The following MAPRE2 variants were observed in gnomAD, a reference collection of about 807,000 sequenced individuals.
MAPRE2 encodes microtubule associated protein RP/EB family member 2.
Under a neutral mutation model 43.2 loss-of-function variants are expected in MAPRE2, and 13 were observed. The ratio of observed to expected loss-of-function variants is 0.30; its 90% CI spans 0.20 to 0.48. MAPRE2 has a LOEUF of 0.48. MAPRE2 is among the 20% of genes least tolerant of loss of function. MAPRE2 has a pLI of 0.99. For missense variants in MAPRE2, 161 were observed against 400.2 expected, an observed-to-expected ratio of 0.40 and a Z score of 5.10; for synonymous variants, 135 against 148.8, an observed-to-expected ratio of 0.91 and a Z score of 0.68.
intron 2 of MAPRE2, among the ~76,000 whole-genome samples, chr18:35,012,009 C>T (rs2097035034): frequency 6.6e-6 from 1 of 152,242 alleles, no homozygotes; most frequent in Non-Finnish European, 1.5e-5. Context: ...GAGAAGTAGT[C>T]ACCTAAAGAT....
At chr18:35,115,041 T>C (rs765390415) in intron 4 of MAPRE2, among the ~76,000 whole-genome samples, 6 of 152,206 alleles carry the variant, frequency 3.9e-5, no homozygotes, top group Non-Finnish European at 8.8e-5. Flanking sequence ...CTTAGTATAT[T>C]GGGCAGGAAT....
At chr18:35,085,268 A>G (rs926458106) in intron 2 of MAPRE2, among the ~76,000 whole-genome samples, 1 of 152,226 alleles carries the variant, frequency 6.6e-6, no homozygotes, top group African/African-American at 2.4e-5. Flanking sequence ...CCAAAGGGGA[A>G]TGCTTCCTTC....
chr18:35,124,779 G>A (rs1194251186), intron 4 of MAPRE2, among the ~76,000 whole-genome samples: 2 of 152,192 alleles, frequency 1.3e-5, no homozygotes, highest in Non-Finnish European at 2.9e-5. Flanking sequence ...GGCTGCCTCA[G>A]AGAAGATTCT....
intron 2 of MAPRE2, among the ~76,000 whole-genome samples, chr18:35,016,295 AT>A (rs2097038219): frequency 6.6e-6 from 1 of 151,668 alleles, no homozygotes; most frequent in Admixed American, 6.6e-5. Flanking sequence ...AGAATGATTT[AT>A]TTTCCTTTGA....
chr18:35,031,231 A>G (rs2097047698), intron 2 of MAPRE2, among the ~76,000 whole-genome samples: 1 of 152,202 alleles, frequency 6.6e-6, no homozygotes, highest in African/African-American at 2.4e-5. Context: ...TGCATCTCTG[A>G]TGTCTAGAAT....
At chr18:35,015,844 T>C (rs1393941299) in intron 2 of MAPRE2, among the ~76,000 whole-genome samples, 1 of 152,146 alleles carries the variant, frequency 6.6e-6, no homozygotes, top group East Asian at 1.9e-4. Flanking sequence ...GGGGTACACA[T>C]GCAGTTTTAT....
chr18:35,085,519 A>T (rs917593625), intron 2 of MAPRE2, among the ~76,000 whole-genome samples: 1 of 152,246 alleles, frequency 6.6e-6, no homozygotes, highest in African/African-American at 2.4e-5. Context: ...GGGTCACCAG[A>T]ACTGAATCTG....
At chr18:35,032,264 G>T (rs1469601806) in intron 2 of MAPRE2, among the ~76,000 whole-genome samples, 1 of 152,136 alleles carries the variant, frequency 6.6e-6, no homozygotes, top group African/African-American at 2.4e-5. Context: ...AGGAAGCCCC[G>T]ATCTAAGGTG....
intron 2 of MAPRE2, among the ~76,000 whole-genome samples, chr18:35,016,103 T>A (rs528199318): frequency 6.6e-6 from 1 of 152,106 alleles, no homozygotes; most frequent in African/African-American, 2.4e-5. Context: ...TCCAGCTGCA[T>A]CCATGTTGCT....
At chr18:35,072,371 C>G (rs767719169) in intron 2 of MAPRE2, among the ~76,000 whole-genome samples, 7 of 152,036 alleles carry the variant, frequency 4.6e-5, no homozygotes, top group Non-Finnish European at 8.8e-5. Context: ...GTGTATCTTA[C>G]CCACAAAGTG....
intron 2 of MAPRE2, among the ~76,000 whole-genome samples, chr18:35,019,035 T>A (rs1275323000): frequency 1.6e-5 from 2 of 128,858 alleles, no homozygotes; most frequent in Non-Finnish European, 3.4e-5. Flanking sequence ...TTCATTTATT[T>A]CAAAGAATTT....
At chr18:35,131,765 A>G (rs111503999) in intron 5 of MAPRE2, among the ~76,000 whole-genome samples, 130 of 151,530 alleles carry the variant, frequency 8.6e-4, no homozygotes, top group African/African-American at 3.0e-3. Context: ...CCTGCGGGGA[A>G]CCGCACAAGC....
chr18:35,132,214 C>A, intron 6 of MAPRE2, 24 bp downstream of exon 6: 1 of 1,610,820 alleles, frequency 6.2e-7, no homozygotes, highest in Non-Finnish European at 8.5e-7. Context: ...GCATGTGACT[C>A]CTGTGTTCTA....
chr18:35,074,613 T>G (rs896065275), intron 2 of MAPRE2, among the ~76,000 whole-genome samples: 1 of 152,188 alleles, frequency 6.6e-6, no homozygotes, highest in Non-Finnish European at 1.5e-5. Flanking sequence ...GTCTTGATCC[T>G]CTGCCCTAGG....
intron 2 of MAPRE2, among the ~76,000 whole-genome samples, chr18:35,020,839 A>G (rs2097041523): frequency 6.6e-6 from 1 of 152,232 alleles, no homozygotes; most frequent in South Asian, 2.1e-4. Context: ...AGGTAAAATG[A>G]TTTTAGATTA....
At chr18:35,074,119 T>G (rs901948905) in intron 2 of MAPRE2, among the ~76,000 whole-genome samples, 2 of 152,230 alleles carry the variant, frequency 1.3e-5, no homozygotes, top group African/African-American at 4.8e-5. Context: ...CTACCTATAA[T>G]AATTCAGCAA....
intron 1 of MAPRE2, 49 bp downstream of exon 1, chr18:35,041,710 G>C: frequency 6.2e-7 from 1 of 1,613,206 alleles, no homozygotes; most frequent in East Asian, 2.2e-5. Flanking sequence ...GTGAGGGCGC[G>C]CGGAAATCCA....
chr18:34,989,325 C>G (rs1349414912), intron 1 of MAPRE2, among the ~76,000 whole-genome samples: 1 of 152,182 alleles, frequency 6.6e-6, no homozygotes, highest in Admixed American at 6.5e-5. Flanking sequence ...GCTTTGGGGT[C>G]TTTGCCTGTG....
intron 4 of MAPRE2, among the ~76,000 whole-genome samples, chr18:35,109,970 C>G (rs940003646): frequency 1.3e-5 from 2 of 152,046 alleles, no homozygotes; most frequent in Non-Finnish European, 2.9e-5. Flanking sequence ...AATTTACTTA[C>G]CGCCTTTTAA....
Sources: gnomAD v4.1 joint callset for allele counts (sites outside exome capture counted in the v4.1 genomes callset) on GRCh38, gnomAD v4.1.1 for gene constraint, MANE v1.5 for transcripts, NCBI Gene and HGNC (gene_info 2026-07-23, HGNC 2026-07-21) for gene names.